Variants in RASSF3 observed in about 807,000 individuals in gnomAD.
RASSF3 encodes ras association domain-containing protein 3.
Under a neutral mutation model 19.9 loss-of-function variants are expected in RASSF3, and 19 were observed. The ratio of observed to expected loss-of-function variants is 0.96; its 90% CI spans 0.67 to 1.40. The LOEUF is 1.40. Among genes scored for constraint, RASSF3 ranks in the 40% most tolerant of loss-of-function variants. The probability of loss-of-function intolerance (pLI) is 0.00; values close to 1 mark genes in which losing one functional copy is unlikely to be tolerated. For missense variants in RASSF3, 306 were observed against 289.8 expected, an observed-to-expected ratio of 1.06 and a Z score of -0.41; for synonymous variants, 110 against 104.2, an observed-to-expected ratio of 1.06 and a Z score of -0.34.
intron 1 of RASSF3, among the ~76,000 whole-genome samples, chr12:64,512,982 G>T (rs1375012117): frequency 1.3e-5 from 2 of 152,142 alleles, no homozygotes; most frequent in African/African-American, 4.8e-5. Flanking sequence ...AAGTGAAGCT[G>T]TCCCAACTGC....
chr12:64,677,748 T>G (rs117939445), intron 1 of RASSF3, among the ~76,000 whole-genome samples: 3,515 of 152,330 alleles, frequency 0.023, 78 homozygotes, highest in Non-Finnish European at 0.035. Context: ...TAGGTTTAGC[T>G]CTGTGTGACA....
chr12:64,562,202 A>G (rs7136338), intron 2 of RASSF3, among the ~76,000 whole-genome samples: 76,377 of 151,576 alleles, frequency 0.5, 22,066 homozygotes, highest in Non-Finnish European at 0.65. Context: ...CACCGCACCC[A>G]GCTAATTTTA....
At chr12:64,663,009 T>C (rs1872423150) in intron 1 of RASSF3, among the ~76,000 whole-genome samples, 1 of 152,212 alleles carries the variant, frequency 6.6e-6, no homozygotes, top group Non-Finnish European at 1.5e-5. Flanking sequence ...TATAATGTAC[T>C]GTGCCTTTTG....
At chr12:64,613,426 G>A (rs183181359) in intron 1 of RASSF3, among the ~76,000 whole-genome samples, 54 of 151,718 alleles carry the variant, frequency 3.6e-4, no homozygotes, top group Non-Finnish European at 5.9e-5. Context: ...GAAAATATCC[G>A]GAGAAAACAA....
chr12:64,643,634 AG>A (rs1289556913), intron 1 of RASSF3, among the ~76,000 whole-genome samples: 1 of 152,096 alleles, frequency 6.6e-6, no homozygotes, highest in Non-Finnish European at 1.5e-5. Context: ...ATATAAGAAT[AG>A]GAAAAAAAAA....
intron 1 of RASSF3, among the ~76,000 whole-genome samples, chr12:64,610,959 A>G (rs1870334527): frequency 6.6e-6 from 1 of 151,984 alleles, no homozygotes. Context: ...AAGGGCGGGG[A>G]GGCTGAGGGC....
rs530787219 is a variant in RASSF3 at position 64,625,674 on chromosome 12, A to G, written c.111+14931A>G. On this transcript the variant is annotated intron_variant, in intron 1 of 4. Transcript: ENST00000542104. ...AAATAAGGTAATACGTGCAAACTGT[A>G]TAACGTGCTGCAAAGGCAGACTCTG... is the stretch of plus-strand genomic sequence containing the variant. Among the ~76,000 whole-genome samples the G allele has an allele frequency of 1.4e-4, 22 of 152,302 alleles. No individual in the cohort carries two copies. The South Asian group carries it at 4.6e-3, about 32-fold the overall frequency.
chr12:64,532,125 C>T (rs542374722), upstream of RASSF3, among the ~76,000 whole-genome samples: 1 of 152,196 alleles, frequency 6.6e-6, no homozygotes, highest in East Asian at 1.9e-4. Flanking sequence ...TGGGAGAGAG[C>T]GCTTCGAAAG....
chr12:64,557,630 C>T (rs1448608828), intron 2 of RASSF3, among the ~76,000 whole-genome samples: 2 of 152,078 alleles, frequency 1.3e-5, no homozygotes, highest in Non-Finnish European at 2.9e-5. Context: ...TAAGGCTGCT[C>T]CTGCTTCCAT....
chr12:64,643,347 A>G (rs1248194894), intron 1 of RASSF3, among the ~76,000 whole-genome samples: 1 of 152,116 alleles, frequency 6.6e-6, no homozygotes, highest in Non-Finnish European at 1.5e-5. Context: ...TACTCACAAC[A>G]TTTTTCAAAT....
At chr12:64,641,033 G>A (rs1455136571) in intron 1 of RASSF3, among the ~76,000 whole-genome samples, 1 of 151,806 alleles carries the variant, frequency 6.6e-6, no homozygotes, top group African/African-American at 2.4e-5. Context: ...CTTATTTCAT[G>A]ACATTAAATA....
At chr12:64,534,549 C>T (rs547436985) in intron 1 of RASSF3, among the ~76,000 whole-genome samples, 1 of 152,242 alleles carries the variant, frequency 6.6e-6, no homozygotes, top group East Asian at 1.9e-4. Context: ...GAGGGGATTT[C>T]CCACTTTACT....
At chr12:64,548,082 T>C (rs894015227) in intron 2 of RASSF3, among the ~76,000 whole-genome samples, 6 of 152,320 alleles carry the variant, frequency 3.9e-5, no homozygotes, top group African/African-American at 9.6e-5. Context: ...CCTGCCGCTC[T>C]ATATTCTCTG....
At chr12:64,641,419 C>CACACACACACACACACAT (rs769330728) in intron 1 of RASSF3, among the ~76,000 whole-genome samples, 35,726 of 150,446 alleles carry the variant, frequency 0.24, 5,153 homozygotes, top group Non-Finnish European at 0.33. Context: ...CACACACGCG[C>CACACACACACACACACAT]GCGCGCGCGT....
At chr12:64,640,972 T>A (rs1871495811) in intron 1 of RASSF3, among the ~76,000 whole-genome samples, 1 of 152,106 alleles carries the variant, frequency 6.6e-6, no homozygotes, top group South Asian at 2.1e-4. Flanking sequence ...GATTTTCTTT[T>A]TAAAGGTGAA....
chr12:64,608,574 A>G (rs1267192572), upstream of RASSF3, among the ~76,000 whole-genome samples: 1 of 152,146 alleles, frequency 6.6e-6, no homozygotes, highest in East Asian at 1.9e-4. Flanking sequence ...CTGCCTCCTC[A>G]GGCGTGAGCC....
At chr12:64,655,418 C>T (rs963934409) in intron 1 of RASSF3, among the ~76,000 whole-genome samples, 1 of 152,088 alleles carries the variant, frequency 6.6e-6, no homozygotes, top group African/African-American at 2.4e-5. Context: ...GCAAGAAGAG[C>T]CCTGATGTCC....
At chr12:64,588,994 C>T (rs1316798097) in intron 2 of RASSF3, among the ~76,000 whole-genome samples, 1 of 152,136 alleles carries the variant, frequency 6.6e-6, no homozygotes, top group African/African-American at 2.4e-5. Flanking sequence ...TTCTGATTCG[C>T]AAAAGCTGTC....
At chr12:64,646,856 T>C (rs1016370261) in intron 1 of RASSF3, among the ~76,000 whole-genome samples, 1 of 152,146 alleles carries the variant, frequency 6.6e-6, no homozygotes, top group African/African-American at 2.4e-5. Context: ...ACTGAGGGCC[T>C]CCTCTGGGTC....
Sources: allele counts gnomAD v4.1 joint callset (sites outside exome capture counted in the v4.1 genomes callset), GRCh38; gene constraint gnomAD v4.1.1; transcripts MANE v1.5; gene names NCBI Gene and HGNC (gene_info 2026-07-23, HGNC 2026-07-21).